The following CDH23 variants were observed in gnomAD, a reference collection of about 807,000 sequenced individuals.
The protein encoded by CDH23 is cadherin related 23, also known as cadherin-23.
A neutral mutation model predicts 317.1 loss-of-function variants in CDH23; 189 were observed. That is an observed-to-expected ratio of 0.60 (90% CI 0.53 to 0.67). The LOEUF (loss-of-function observed/expected upper bound fraction) is 0.67, where lower values mean the gene tolerates loss of function less well. Ranked by LOEUF, CDH23 falls within the 30% of genes least tolerant of loss-of-function variation. The pLI is 0.00. For missense variants in CDH23, 4,401 were observed against 4,592.4 expected (o/e 0.96, Z 1.20); for synonymous variants, 1,839 against 1,876.8 (o/e 0.98, Z 0.52).
Position 71,675,142 on chromosome 10 carries a change from G to A in CDH23, c.1480G>A (p.Glu494Lys), listed in dbSNP as rs1864306926. ...TGACAATGATGCAGGCACCTTTGGGGAAGTCAGCTACTTCTTCAGTGATGA... is the reference window on the plus strand; with the variant it reads ...TGACAATGATGCAGGCACCTTTGGGAAAGTCAGCTACTTCTTCAGTGATGA... ...ATDNDAGTFG[E>K]VSYFFSDDPD... The change falls in exon 15 of 70, where the codon GAA becomes AAA. Residue 494 changes from glutamate to lysine, a missense_variant. Glu to Lys is a moderately conservative substitution (Grantham distance 56). Transcript: ENST00000224721. 1.9e-6 allele frequency: 3 copies of A among 1,614,024 alleles called. No individual in the cohort carries two copies. The highest frequency in any genetic ancestry group is 1.1e-5 in the South Asian group (1 of 91,086).
chr10:71,624,087 G>C (rs1861596134), intron 11 of CDH23, among the ~76,000 whole-genome samples: 1 of 152,200 alleles, frequency 6.6e-6, no homozygotes, highest in East Asian at 1.9e-4. Context: ...GAGGACACGG[G>C]TAGGAAGGGG....
At chr10:71,434,706 C>T (rs1849541556) in intron 1 of CDH23, among the ~76,000 whole-genome samples, 1 of 152,116 alleles carries the variant, frequency 6.6e-6, no homozygotes, top group Non-Finnish European at 1.5e-5. Context: ...GAGAAATTTG[C>T]AGTCAGCTTC....
chr10:71,576,749 CCAAG>C (rs1858232128), intron 8 of CDH23, among the ~76,000 whole-genome samples: 1 of 152,156 alleles, frequency 6.6e-6, no homozygotes, highest in Admixed American at 6.5e-5. Flanking sequence ...ACCTGGGGAA[CCAAG>C]TAAAGGCTGC....
intron 8 of CDH23, among the ~76,000 whole-genome samples, chr10:71,574,510 C>T (rs1007933381): frequency 6.6e-6 from 1 of 152,158 alleles, no homozygotes; most frequent in Non-Finnish European, 1.5e-5. Flanking sequence ...TCGGAAGTCC[C>T]CTTCAGCCCC....
chr10:71,768,984 C>T (rs912642685), intron 38 of CDH23, among the ~76,000 whole-genome samples: 8 of 152,200 alleles, frequency 5.3e-5, no homozygotes, highest in African/African-American at 1.9e-4. Context: ...CATCTGACTA[C>T]TCTCTAGAGA....
chr10:71,447,099 T>G lies in CDH23; in HGVS notation c.145+704T>G, dbSNP rs1850206971. Reference sequence around the variant, plus strand: ...CATGTCATTCTCGCTGGTGTCACTTTAGGGAAAGTGCCTGTCATCCGGGGC... The same window carrying G: ...CATGTCATTCTCGCTGGTGTCACTTGAGGGAAAGTGCCTGTCATCCGGGGC... On this transcript the variant is annotated intron_variant, in intron 3 of 69. Transcript: ENST00000224721. 2.6e-5 allele frequency among the ~76,000 whole-genome samples: 4 copies of G among 152,146 alleles called. No homozygotes were observed. In the South Asian group the frequency reaches 8.3e-4, roughly 32 times the overall value.
intron 7 of CDH23, among the ~76,000 whole-genome samples, chr10:71,570,539 C>G (rs892172004): frequency 3.3e-5 from 5 of 152,228 alleles, no homozygotes; most frequent in Admixed American, 1.3e-4. Context: ...AGCTGCCTTC[C>G]TCTGGACCTT....
chr10:71,779,181 C>G, intron 40 of CDH23, 86 bp from the exon 41 acceptor site: 1 of 1,275,700 alleles, frequency 7.8e-7, no homozygotes, highest in Non-Finnish European at 1.1e-6. Flanking sequence ...GCAGAATTAT[C>G]AGGTCCATTT....
intron 6 of CDH23, among the ~76,000 whole-genome samples, chr10:71,549,069 A>G (rs1446750688): frequency 6.6e-6 from 1 of 152,276 alleles, no homozygotes; most frequent in East Asian, 1.9e-4. Flanking sequence ...GGGAGGGGCC[A>G]GAGCCCCCAG....
intron 14 of CDH23, chr10:71,647,217 C>A (rs921725026): frequency 1.3e-4 from 56 of 444,138 alleles, no homozygotes; most frequent in Non-Finnish European, 1.5e-4. Flanking sequence ...CATCCAACAC[C>A]TTGAGAAAGC....
In CDH23 at chr10:71,734,342, G is replaced by A. The variant is rs1204500829; in HGVS notation, c.4206+1G>A. 7 of 1,605,172 alleles carry A rather than the reference G, an allele frequency of 4.4e-6. No homozygotes were observed. The highest frequency in any genetic ancestry group is 6.0e-6 in the Non-Finnish European group (7 of 1,175,806). On this transcript the variant is annotated splice_donor_variant, in intron 33 of 69. Coordinates refer to ENST00000224721, the MANE Select transcript of CDH23 (RefSeq NM_022124.6). LOFTEE classifies it high-confidence loss of function. ...CGGCCCCAAGGTGGACTCCACCGTG[G>A]TGAGTGGGACCAGGGTGAGAGTCCC...
At chr10:71,601,965 G>A (rs544855881) in intron 9 of CDH23, among the ~76,000 whole-genome samples, 8 of 151,688 alleles carry the variant, frequency 5.3e-5, no homozygotes, top group African/African-American at 9.7e-5. Flanking sequence ...CGGCGGAGGG[G>A]GGGGGGCTCT....
intron 38 of CDH23, chr10:71,752,032 T>C: frequency 1.3e-6 from 1 of 784,992 alleles, no homozygotes; most frequent in Non-Finnish European, 2.2e-6. Context: ...GCAAAGGCCA[T>C]GGGCTGCACC....
At chr10:71,788,865 C>T (rs1841168545) in intron 44 of CDH23, 75 bp from the exon 45 acceptor site, 4 of 781,616 alleles carry the variant, frequency 5.1e-6, no homozygotes, top group East Asian at 4.9e-5. Context: ...CCCCAACCTC[C>T]CAACCCTCCT....
At chr10:71,403,309 C>CTCTT (rs1297207970) in intron 1 of CDH23, among the ~76,000 whole-genome samples, 30 of 147,128 alleles carry the variant, frequency 2.0e-4, no homozygotes, top group African/African-American at 7.6e-4. Context: ...CTTTCTCTTT[C>CTCTT]TCTTTCTTCC....
chr10:71,555,063 C>T (rs559390868), intron 6 of CDH23, among the ~76,000 whole-genome samples: 8 of 152,238 alleles, frequency 5.3e-5, no homozygotes, highest in Admixed American at 2.6e-4. Flanking sequence ...CTTGAGGGCA[C>T]GGGGGTATGA....
intron 11 of CDH23, among the ~76,000 whole-genome samples, chr10:71,635,516 G>T (rs911518486): frequency 6.6e-6 from 1 of 152,182 alleles, no homozygotes; most frequent in Non-Finnish European, 1.5e-5. Context: ...AGCTGAAGGC[G>T]AGGCAGCCTC....
chr10:71,624,135 T>C lies in CDH23; in HGVS notation c.1134+6742T>C, dbSNP rs139486134. ...GGGCCTTCCCCCTGCCCACTGACCC[T>C]GCAGCCAGCTCATCCTCCTTTCCCT... On this transcript the variant is annotated intron_variant, in intron 11 of 69. Coordinates refer to ENST00000224721, the MANE Select transcript of CDH23 (RefSeq NM_022124.6). Among the ~76,000 whole-genome samples the C allele has an allele frequency of 6.2e-3, 940 of 152,304 alleles. 7 individuals carry two copies. The highest frequency in any genetic ancestry group is 0.022 in the African/African-American group (898 of 41,566).
In CDH23 at chr10:71,679,457, G is replaced by A. The variant is rs774745111; in HGVS notation, c.1823G>A (p.Ser608Asn). 3.7e-6 allele frequency: 6 copies of A among 1,613,048 alleles called. 1 individual carries two copies. In the South Asian group the frequency reaches 5.5e-5, roughly 15 times the overall value. ...ATTGTCAGTGCATCTGCCTTTGGCAGCTACTTCGACATCAGCCTGTACGAG... is the reference window on the plus strand; with the variant it reads ...ATTGTCAGTGCATCTGCCTTTGGCAACTACTTCGACATCAGCCTGTACGAG... ...YSIVSASAFGSYFDISLYEGY... is the reference protein window; with the variant it reads ...YSIVSASAFGNYFDISLYEGY... Residue 608 changes from serine (S) to asparagine (N), a missense_variant, in exon 17 of 70, where the codon AGC becomes AAC. Ser to Asn is a conservative substitution (Grantham distance 46). Coordinates refer to ENST00000224721, the MANE Select transcript of CDH23 (RefSeq NM_022124.6).
Sources: gnomAD v4.1 joint callset for allele counts (sites outside exome capture counted in the v4.1 genomes callset) on GRCh38, gnomAD v4.1.1 for gene constraint, MANE v1.5 for transcripts, NCBI Gene and HGNC (gene_info 2026-07-23, HGNC 2026-07-21) for gene names.